Variants in CCDC178 observed in about 807,000 individuals in gnomAD.
The protein encoded by CCDC178 is coiled-coil domain containing 178, also known as coiled-coil domain-containing protein 178.
A neutral mutation model predicts 117.4 loss-of-function variants in CCDC178; 126 were observed. The ratio of observed to expected loss-of-function variants is 1.07; its 90% CI spans 0.93 to 1.24. The LOEUF is 1.24. Among genes scored for constraint, CCDC178 ranks in the 50% most tolerant of loss-of-function variants. The pLI is 0.00. For synonymous variants in CCDC178, 283 were observed against 313.4 expected (o/e 0.90, Z 1.02); for missense variants, 1,030 against 986.9 (o/e 1.04, Z -0.59).
intron 15 of CCDC178, among the ~76,000 whole-genome samples, chr18:33,239,978 T>C (rs1295925392): frequency 6.6e-6 from 1 of 151,244 alleles, no homozygotes; most frequent in Non-Finnish European, 1.5e-5. Context: ...ATCAATCATA[T>C]GTTTAGACAC....
At chr18:33,009,983 A>G (rs2055830158) in intron 21 of CCDC178, among the ~76,000 whole-genome samples, 1 of 152,146 alleles carries the variant, frequency 6.6e-6, no homozygotes. Flanking sequence ...AATTAATTCT[A>G]TGACATTGGC....
chr18:33,142,213 G>T (rs974384014), intron 20 of CCDC178, among the ~76,000 whole-genome samples: 6 of 152,062 alleles, frequency 3.9e-5, no homozygotes, highest in African/African-American at 1.4e-4. Context: ...ACAACTAGAG[G>T]GATGTTACTG....
Position 33,274,696 on chromosome 18 carries a change from CA to C in CCDC178, c.1177-7400del, listed in dbSNP as rs537746447. On this transcript the variant is annotated intron_variant, in intron 12 of 22. Coordinates refer to ENST00000383096, the MANE Select transcript of CCDC178 (RefSeq NM_001105528.4). Reference sequence around the variant, plus strand: ...TATATTTTACATACCAAACAATTGTCAATCTCCAGAAGTAGGTTTACAAAGT... The same window carrying C: ...TATATTTTACATACCAAACAATTGTCATCTCCAGAAGTAGGTTTACAAAGT... 6.1e-4 allele frequency among the ~76,000 whole-genome samples: 92 copies of C among 152,022 alleles called. 1 individual carries two copies. The highest frequency in any genetic ancestry group is 2.1e-3 in the African/African-American group (88 of 41,516).
chr18:32,945,160 G>A (rs2054318734), intron 22 of CCDC178, among the ~76,000 whole-genome samples: 1 of 152,182 alleles, frequency 6.6e-6, no homozygotes, highest in South Asian at 2.1e-4. Context: ...TAGGCTATAT[G>A]TCCTGAAGGC....
intron 22 of CCDC178, among the ~76,000 whole-genome samples, chr18:32,973,953 T>A (rs1013082844): frequency 2.6e-5 from 4 of 152,152 alleles, no homozygotes; most frequent in Non-Finnish European, 5.9e-5. Context: ...CTTCACATAT[T>A]TAATGTGGGT....
intron 21 of CCDC178, among the ~76,000 whole-genome samples, chr18:33,090,734 G>T (rs2057450131): frequency 6.6e-6 from 1 of 152,126 alleles, no homozygotes; most frequent in African/African-American, 2.4e-5. Context: ...GGATGAAAAT[G>T]AAAAATGATT....
intron 2 of CCDC178, among the ~76,000 whole-genome samples, chr18:33,422,758 A>G (rs540184438): frequency 1.2e-4 from 18 of 152,222 alleles, no homozygotes; most frequent in Non-Finnish European, 1.9e-4. Flanking sequence ...AATGAAAGGA[A>G]GCATGATGAA....
intron 11 of CCDC178, among the ~76,000 whole-genome samples, chr18:33,297,143 T>C (rs890617413): frequency 1.3e-5 from 2 of 151,760 alleles, no homozygotes; most frequent in African/African-American, 4.8e-5. Context: ...TTGAAATAAA[T>C]GAAAATAGAA....
chr18:33,274,874 T>C (rs371009004), intron 12 of CCDC178, among the ~76,000 whole-genome samples: 14 of 152,060 alleles, frequency 9.2e-5, no homozygotes, highest in African/African-American at 2.2e-4. Flanking sequence ...ACCTTAAGCA[T>C]TGCATGTGTA....
At chr18:33,072,875 G>T (rs1401033290) in intron 21 of CCDC178, among the ~76,000 whole-genome samples, 1 of 152,026 alleles carries the variant, frequency 6.6e-6, no homozygotes, top group African/African-American at 2.4e-5. Flanking sequence ...TCGAACTGCT[G>T]GGATTACAGG....
chr18:33,409,926 CCAAA>C (rs1221383153), intron 3 of CCDC178, among the ~76,000 whole-genome samples: 1 of 152,150 alleles, frequency 6.6e-6, no homozygotes, highest in African/African-American at 2.4e-5. Context: ...AAAGTGTTAG[CCAAA>C]CAGACATATT....
At chr18:33,055,854 G>T (rs2056821328) in intron 21 of CCDC178, among the ~76,000 whole-genome samples, 1 of 151,598 alleles carries the variant, frequency 6.6e-6, no homozygotes, top group Non-Finnish European at 1.5e-5. Context: ...ACCCAGGCCG[G>T]AGTGCAGTGG....
chr18:33,408,171 T>C (rs994146774), intron 3 of CCDC178, among the ~76,000 whole-genome samples: 1 of 151,922 alleles, frequency 6.6e-6, no homozygotes, highest in Non-Finnish European at 1.5e-5. Flanking sequence ...TTAGTAGATG[T>C]AGAAAAAGTA....
intron 12 of CCDC178, among the ~76,000 whole-genome samples, chr18:33,292,826 T>C (rs1199312414): frequency 1.3e-5 from 2 of 152,086 alleles, no homozygotes; most frequent in Admixed American, 6.5e-5. Flanking sequence ...GATACCTGTA[T>C]ACTAAAAATA....
rs144308289 is a variant in CCDC178 at position 32,989,828 on chromosome 18, G to GA, written c.2389-15148dup. Among the ~76,000 whole-genome samples the GA allele has an allele frequency of 9.3e-3, 1,414 of 151,928 alleles. 23 individuals carry two copies. The highest frequency in any genetic ancestry group is 0.033 in the African/African-American group (1,358 of 41,482). On this transcript the variant is annotated intron_variant, in intron 21 of 22. Coordinates refer to ENST00000383096, the MANE Select transcript of CCDC178 (RefSeq NM_001105528.4). ...GAGATAAGGAAAAAACTCACATATAGAAAAAAATACATATATGTCAAAGTA... is the reference window on the plus strand; with the variant it reads ...GAGATAAGGAAAAAACTCACATATAGAAAAAAAATACATATATGTCAAAGTA...
chr18:33,187,028 A>AGGCCTCAGG, intron 20 of CCDC178, among the ~76,000 whole-genome samples: 3 of 151,608 alleles, frequency 2.0e-5, no homozygotes, highest in African/African-American at 4.9e-5. Flanking sequence ...ATGGCTGGGG[A>AGGCCTCAGG]AACTTACAAT....
chr18:33,055,039 G>A (rs1257680475), intron 21 of CCDC178, among the ~76,000 whole-genome samples: 1 of 152,170 alleles, frequency 6.6e-6, no homozygotes, highest in Non-Finnish European at 1.5e-5. Context: ...GAGATGTCGA[G>A]CATTTTTTCA....
chr18:33,000,341 C>A (rs1020662217), intron 21 of CCDC178, among the ~76,000 whole-genome samples: 1 of 151,612 alleles, frequency 6.6e-6, no homozygotes, highest in African/African-American at 2.4e-5. Context: ...CCTACAAGAT[C>A]TAGAAAATAG....
intron 5 of CCDC178, among the ~76,000 whole-genome samples, chr18:33,382,617 G>A (rs1482938187): frequency 6.6e-6 from 1 of 152,192 alleles, no homozygotes; most frequent in Admixed American, 6.5e-5. Context: ...GCCAAAGGAA[G>A]TGGTGAGGGA....
Sources: allele counts gnomAD v4.1 joint callset (sites outside exome capture counted in the v4.1 genomes callset), GRCh38; gene constraint gnomAD v4.1.1; transcripts MANE v1.5; gene names NCBI Gene and HGNC (gene_info 2026-07-23, HGNC 2026-07-21).